Variants in RABGAP1L observed in about 807,000 individuals in gnomAD.
RABGAP1L encodes the protein rab GTPase-activating protein 1-like.
A neutral mutation model predicts 137.7 loss-of-function variants in RABGAP1L; 63 were observed. That is an observed-to-expected ratio of 0.46 (90% confidence interval 0.37 to 0.56). The LOEUF is 0.56. Ranked by LOEUF, RABGAP1L falls within the 20% of genes least tolerant of loss-of-function variation. The pLI is 0.00. For missense variants in RABGAP1L, 1,095 were observed against 1,244.0 expected (o/e 0.88, Z 1.80); for synonymous variants, 431 against 433.7 (o/e 0.99, Z 0.08).
chr1:174,465,307 C>T (rs1657168380), intron 13 of RABGAP1L, among the ~76,000 whole-genome samples: 1 of 152,198 alleles, frequency 6.6e-6, no homozygotes, highest in Admixed American at 6.5e-5. Flanking sequence ...TTGAGCAATT[C>T]TCCTGCCTCA....
intron 19 of RABGAP1L, among the ~76,000 whole-genome samples, chr1:174,864,799 T>G (rs1340771350): frequency 8.5e-5 from 13 of 152,202 alleles, no homozygotes; most frequent in Non-Finnish European, 1.5e-5. Flanking sequence ...ACCCTTTGCA[T>G]TCTGTGGTGT....
At chr1:174,888,225 C>CA (rs914404538) in intron 19 of RABGAP1L, among the ~76,000 whole-genome samples, 185 of 152,160 alleles carry the variant, frequency 1.2e-3, no homozygotes, top group African/African-American at 4.3e-3. Context: ...CTATAGGTGG[C>CA]AAAATCACAA....
intron 18 of RABGAP1L, among the ~76,000 whole-genome samples, chr1:174,778,636 C>T (rs1477573165): frequency 5.9e-5 from 9 of 151,970 alleles, no homozygotes; most frequent in East Asian, 1.9e-4. Flanking sequence ...ACACTGTCAC[C>T]GAGGCTGGAG....
At chr1:174,404,461 G>A (rs943702445) in intron 13 of RABGAP1L, among the ~76,000 whole-genome samples, 3 of 152,042 alleles carry the variant, frequency 2.0e-5, no homozygotes, top group African/African-American at 2.4e-5. Flanking sequence ...GCATCAATGC[G>A]TTAAATAGAA....
At chr1:174,936,354 G>T (rs1350267404) in intron 19 of RABGAP1L, among the ~76,000 whole-genome samples, 1 of 152,084 alleles carries the variant, frequency 6.6e-6, no homozygotes, top group Admixed American at 6.5e-5. Flanking sequence ...TGTGGTGCCA[G>T]CTACACAGAA....
chr1:174,945,247 G>A (rs1666547426), intron 19 of RABGAP1L, among the ~76,000 whole-genome samples: 1 of 152,156 alleles, frequency 6.6e-6, no homozygotes, highest in Non-Finnish European at 1.5e-5. Flanking sequence ...TTTAATGCTT[G>A]CCATCTTACT....
intron 24 of RABGAP1L, among the ~76,000 whole-genome samples, chr1:174,983,633 A>G (rs577540486): frequency 3.3e-5 from 5 of 152,318 alleles, no homozygotes; most frequent in Non-Finnish European, 7.3e-5. Flanking sequence ...GCAATCTTGA[A>G]AAGTGATTTA....
At chr1:174,167,646 AC>A (rs1665021314) in intron 1 of RABGAP1L, among the ~76,000 whole-genome samples, 1 of 152,338 alleles carries the variant, frequency 6.6e-6, no homozygotes, top group South Asian at 2.1e-4. Flanking sequence ...CTTCTCCTTT[AC>A]CCCACACATA....
chr1:174,616,996 T>G (rs781625277), intron 13 of RABGAP1L, among the ~76,000 whole-genome samples: 6 of 152,114 alleles, frequency 3.9e-5, no homozygotes, highest in Non-Finnish European at 8.8e-5. Context: ...AGATTTCCCT[T>G]GAAAGTGTGG....
intron 13 of RABGAP1L, among the ~76,000 whole-genome samples, chr1:174,619,707 G>A (rs538420042): frequency 2.6e-5 from 4 of 152,276 alleles, no homozygotes; most frequent in East Asian, 1.9e-4. Flanking sequence ...AAAGACCATC[G>A]AGGCTAGGAA....
At chr1:174,465,921 G>C (rs1484253133) in intron 13 of RABGAP1L, among the ~76,000 whole-genome samples, 1 of 152,200 alleles carries the variant, frequency 6.6e-6, no homozygotes, top group Non-Finnish European at 1.5e-5. Flanking sequence ...AACTACATCA[G>C]TGAGGGAACT....
At chr1:174,619,576 G>T (rs1175593440) in intron 13 of RABGAP1L, among the ~76,000 whole-genome samples, 1 of 152,192 alleles carries the variant, frequency 6.6e-6, no homozygotes, top group African/African-American at 2.4e-5. Flanking sequence ...CTCCTTTACA[G>T]ACAAGCAAAT....
intron 19 of RABGAP1L, among the ~76,000 whole-genome samples, chr1:174,917,936 A>G (rs1661149920): frequency 6.6e-6 from 1 of 150,886 alleles, no homozygotes; most frequent in Admixed American, 6.6e-5. Context: ...CTGTCTTAAA[A>G]AAAAAAAAAA....
intron 11 of RABGAP1L, among the ~76,000 whole-genome samples, chr1:174,327,986 C>CATGT (rs1680636982): frequency 1.9e-5 from 1 of 53,650 alleles, no homozygotes; most frequent in Admixed American, 2.2e-4. Context: ...TATACACACA[C>CATGT]ATATATATAT....
intron 18 of RABGAP1L, chr1:174,800,595 TTTC>T: frequency 6.8e-7 from 1 of 1,467,136 alleles, no homozygotes; most frequent in Non-Finnish European, 9.1e-7. Context: ...TGTCTCTGGT[TTTC>T]TTCTCCTTCT....
At chr1:174,595,881 A>T (rs1669851678) in intron 13 of RABGAP1L, among the ~76,000 whole-genome samples, 2 of 106,452 alleles carry the variant, frequency 1.9e-5, no homozygotes, top group South Asian at 6.0e-4. Flanking sequence ...GGTGGGCTCC[A>T]CCCAGTTCGA....
intron 18 of RABGAP1L, chr1:174,757,085 GC>G: frequency 2.0e-6 from 1 of 507,266 alleles, no homozygotes; most frequent in Non-Finnish European, 4.0e-6. Context: ...CACGGACTCT[GC>G]CACAAAGTCT....
At chr1:174,177,425 T>C (rs1665978653) in intron 1 of RABGAP1L, among the ~76,000 whole-genome samples, 1 of 152,214 alleles carries the variant, frequency 6.6e-6, no homozygotes, top group Non-Finnish European at 1.5e-5. Context: ...TCCCGTTCTG[T>C]AGGTTGCCTA....
At chr1:174,946,900 C>CA (rs1177949233) in intron 19 of RABGAP1L, among the ~76,000 whole-genome samples, 622 of 21,316 alleles carry the variant, frequency 0.029, 58 homozygotes, top group African/African-American at 0.12. Context: ...GACTCCATCT[C>CA]AAAAAAAAAA....
Sources: allele counts gnomAD v4.1 joint callset (sites outside exome capture counted in the v4.1 genomes callset), GRCh38; gene constraint gnomAD v4.1.1; transcripts MANE v1.5; gene names NCBI Gene and HGNC (gene_info 2026-07-23, HGNC 2026-07-21).